SLC39A11: variants seen among roughly 807,000 people sequenced by gnomAD.
The protein encoded by SLC39A11 is zinc transporter ZIP11.
SLC39A11 carries 33 observed loss-of-function variants against 36.1 expected under a neutral mutation model. The observed-to-expected ratio is 0.91, with a 90% CI of 0.69 to 1.22. The LOEUF is 1.22. Ranked by LOEUF, SLC39A11 falls within the 50% of genes most tolerant of loss-of-function variation. The pLI is 0.00. For synonymous variants in SLC39A11, 166 were observed against 170.3 expected (o/e 0.97, Z 0.20); for missense variants, 432 against 430.3 (o/e 1.00, Z -0.03).
chr17:73,030,353 G>A (rs907674748), intron 4 of SLC39A11, among the ~76,000 whole-genome samples: 1 of 152,162 alleles, frequency 6.6e-6, no homozygotes, highest in South Asian at 2.1e-4. Flanking sequence ...GTAACACAAG[G>A]AATCTGTTTT....
At chr17:72,740,785 T>G (rs1477928221) in intron 6 of SLC39A11, among the ~76,000 whole-genome samples, 2 of 152,174 alleles carry the variant, frequency 1.3e-5, no homozygotes, top group Admixed American at 6.5e-5. Context: ...ATTTTTTATT[T>G]GTATTTGAGA....
intron 5 of SLC39A11, among the ~76,000 whole-genome samples, chr17:72,897,223 T>A (rs539489557): frequency 2.0e-4 from 30 of 152,020 alleles, no homozygotes; most frequent in Admixed American, 5.2e-4. Context: ...AGGACCCCAG[T>A]GGGGACAGAC....
At chr17:72,742,429 G>A (rs1359834136) in intron 6 of SLC39A11, among the ~76,000 whole-genome samples, 1 of 152,112 alleles carries the variant, frequency 6.6e-6, no homozygotes, top group Non-Finnish European at 1.5e-5. Flanking sequence ...CTGCCTTTGA[G>A]GAGTCCAGGA....
At chr17:73,050,359 A>G (rs543496361) in intron 3 of SLC39A11, among the ~76,000 whole-genome samples, 6 of 148,670 alleles carry the variant, frequency 4.0e-5, no homozygotes, top group African/African-American at 7.3e-5. Context: ...TGGCAGAAGC[A>G]GAATGACCAA....
chr17:73,004,163 A>AAAG lies in SLC39A11; in HGVS notation c.306+27392_306+27393insCTT, dbSNP rs2089999340. ...AGGAAGAAAGAAAGAAAGAAGGAAA[A>AAAG]AAAGAAAGAAAGAAAGAAAGAAAGA... On this transcript the variant is annotated intron_variant, in intron 4 of 9. Coordinates refer to ENST00000255559, the MANE Select transcript of SLC39A11 (RefSeq NM_139177.4). Among the ~76,000 whole-genome samples the AAAG allele has an allele frequency of 7.9e-4, 79 of 100,312 alleles. 1 individual carries two copies. Among genetic ancestry groups the AAAG allele is most frequent in the African/African-American group, 3.5e-3 (76 of 21,516 alleles). 65.8% of individuals were successfully genotyped at this position (100,312 alleles called of 152,430 possible). A position where few individuals can be genotyped will look rare whatever the true frequency, so the allele number is the denominator to read the frequency against.
At chr17:72,759,573 T>A (rs2075496656) in intron 6 of SLC39A11, among the ~76,000 whole-genome samples, 1 of 152,192 alleles carries the variant, frequency 6.6e-6, no homozygotes, top group Admixed American at 6.5e-5. Context: ...GGCTACTCAG[T>A]GGGTATAAAT....
chr17:72,931,736 T>G (rs974530354), intron 5 of SLC39A11, among the ~76,000 whole-genome samples: 1 of 152,220 alleles, frequency 6.6e-6, no homozygotes, highest in Non-Finnish European at 1.5e-5. Flanking sequence ...CCCTGACCAC[T>G]GGTCACCACA....
intron 7 of SLC39A11, among the ~76,000 whole-genome samples, chr17:72,687,953 C>T (rs772507396): frequency 2.6e-5 from 4 of 152,170 alleles, no homozygotes; most frequent in Admixed American, 6.5e-5. Context: ...CGGAGTGCCC[C>T]ACTGACAGCC....
chr17:72,811,393 G>A (rs1299578634), intron 6 of SLC39A11, among the ~76,000 whole-genome samples: 1 of 152,094 alleles, frequency 6.6e-6, no homozygotes, highest in African/African-American at 2.4e-5. Context: ...GTATTTTGGG[G>A]GTACAAACAT....
intron 6 of SLC39A11, among the ~76,000 whole-genome samples, chr17:72,747,404 G>A (rs1298377698): frequency 1.3e-5 from 2 of 152,148 alleles, no homozygotes; most frequent in Admixed American, 6.5e-5. Context: ...TGCCCACCTC[G>A]GCTTCCCAAA....
intron 7 of SLC39A11, among the ~76,000 whole-genome samples, chr17:72,680,017 G>A (rs2144285774): frequency 7.4e-6 from 1 of 135,772 alleles, no homozygotes; most frequent in South Asian, 2.4e-4. Flanking sequence ...ACTCCAGCCT[G>A]GGCGACAGAG....
chr17:72,784,630 G>A (rs1468941506), intron 6 of SLC39A11, among the ~76,000 whole-genome samples: 1 of 152,072 alleles, frequency 6.6e-6, no homozygotes, highest in Non-Finnish European at 1.5e-5. Context: ...ATGGGTTGGT[G>A]CTGTGGTGAC....
At chr17:73,014,558 G>A (rs1002631626) in intron 4 of SLC39A11, among the ~76,000 whole-genome samples, 9 of 151,612 alleles carry the variant, frequency 5.9e-5, no homozygotes. Flanking sequence ...TCAGGAGACT[G>A]AGGCAAGAGG....
chr17:72,979,475 G>A (rs2088127778), intron 4 of SLC39A11, among the ~76,000 whole-genome samples: 1 of 152,178 alleles, frequency 6.6e-6, no homozygotes, highest in African/African-American at 2.4e-5. Flanking sequence ...CACCTGTCTT[G>A]AGAAGCAGAG....
At position 73,031,706 on chromosome 17, in the gene SLC39A11, C is replaced by G; in HGVS notation, c.156G>C (p.Leu52Phe). The change falls in exon 4 of 10, where the codon TTG (leucine) becomes TTC (phenylalanine). Residue 52 changes from leucine (L) to phenylalanine (F), a missense_variant. By Grantham distance (22) the Leu-to-Phe change is conservative (BLOSUM62 0). Coordinates refer to ENST00000255559, the MANE Select transcript of SLC39A11 (RefSeq NM_139177.4). ...GSLGFAAGVM[L>F]AASYWSLLAP... Reference sequence around the variant, plus strand: ...CCAGAAGAGACCAATAGGAAGCTGCCAACATGACCTACAAAAACCACAACG... The same window carrying G: ...CCAGAAGAGACCAATAGGAAGCTGCGAACATGACCTACAAAAACCACAACG... The G allele has an allele frequency of 6.2e-7, 1 of 1,613,318 alleles. No homozygotes were observed. Among genetic ancestry groups the G allele is most frequent in the South Asian group, 1.1e-5 (1 of 91,038 alleles).
At chr17:72,836,342 C>T (rs557086219) in intron 6 of SLC39A11, among the ~76,000 whole-genome samples, 14 of 121,286 alleles carry the variant, frequency 1.2e-4, no homozygotes, top group Non-Finnish European at 1.9e-4. Context: ...TGTGTGGCCT[C>T]GGGCTTTTTT....
At chr17:73,021,044 GC>G (rs1429249790) in intron 4 of SLC39A11, among the ~76,000 whole-genome samples, 2 of 151,960 alleles carry the variant, frequency 1.3e-5, no homozygotes, top group African/African-American at 2.4e-5. Flanking sequence ...CCATGAATTG[GC>G]CAAACTACAT....
At chr17:72,985,396 A>G (rs2088649763) in intron 4 of SLC39A11, among the ~76,000 whole-genome samples, 1 of 138,498 alleles carries the variant, frequency 7.2e-6, no homozygotes, top group South Asian at 2.5e-4. Flanking sequence ...CTTTATTTGC[A>G]TGGGGCCTGC....
At chr17:73,007,710 G>A (rs9907867) in intron 4 of SLC39A11, among the ~76,000 whole-genome samples, 9,731 of 152,202 alleles carry the variant, frequency 0.064, 433 homozygotes, top group African/African-American at 0.13. Context: ...GGAGGAGAAC[G>A]GTGAACGAAG....
Sources: gnomAD v4.1 joint callset for allele counts (sites outside exome capture counted in the v4.1 genomes callset) on GRCh38, gnomAD v4.1.1 for gene constraint, MANE v1.5 for transcripts, NCBI Gene and HGNC (gene_info 2026-07-23, HGNC 2026-07-21) for gene names.